SYNE1: variants seen among roughly 807,000 people sequenced by gnomAD.
The protein encoded by SYNE1 is spectrin repeat containing nuclear envelope protein 1, also known as nesprin-1.
A neutral mutation model predicts 1,111.0 loss-of-function variants in SYNE1; 616 were observed. The ratio of observed to expected loss-of-function variants is 0.55; its 90% CI spans 0.52 to 0.59. The LOEUF (loss-of-function observed/expected upper bound fraction) is 0.59. SYNE1 is among the 20% of genes least tolerant of loss of function. The pLI is 0.00. For missense variants in SYNE1, 10,006 were observed against 10,417.0 expected, an observed-to-expected ratio of 0.96 and a Z score of 1.72; for synonymous variants, 3,855 against 3,825.8, an observed-to-expected ratio of 1.01 and a Z score of -0.28.
chr6:152,578,771 T>C (rs182569960), intron 3 of SYNE1, among the ~76,000 whole-genome samples: 3 of 152,352 alleles, frequency 2.0e-5, no homozygotes, highest in South Asian at 4.1e-4. Context: ...CTAATTACTA[T>C]GCATACATCT....
chr6:152,434,033 T>C (rs1042146385), intron 33 of SYNE1, 88 bp from the exon 34 acceptor site: 32 of 1,215,220 alleles, frequency 2.6e-5, no homozygotes, highest in Non-Finnish European at 3.4e-5. Flanking sequence ...GGTGAAGAGA[T>C]AATGAAGACA....
chr6:152,148,089 T>C lies in SYNE1; in HGVS notation c.24932A>G (p.Gln8311Arg). ...CCGGAGGTAGAAATCTTTGTCATCC[T>C]GACCTTCTTCATCCTCAGAGGGCAG... ...RALPSEDEEG[Q>R]DDKDFYLRGA... The change falls in exon 137 of 146, where the codon CAG becomes CGG. Residue 8311 changes from glutamine (Q) to arginine (R), a missense_variant. By Grantham distance (43) the Gln-to-Arg change is conservative. Coordinates refer to ENST00000367255, the MANE Select transcript of SYNE1 (RefSeq NM_182961.4). The surrounding 1 kb of genome is among the most constrained non-coding windows in gnomAD (Gnocchi z 4.1). 2 of 1,614,224 alleles carry C rather than the reference T, an allele frequency of 1.2e-6. No individual in the cohort carries two copies. Among genetic ancestry groups the C allele is most frequent in the Non-Finnish European group, 1.7e-6 (2 of 1,180,038 alleles).
In SYNE1 at chr6:152,330,357, G is replaced by A. The variant is rs1190611162; in HGVS notation, c.14328C>T (p.Thr4776=). 6.2e-7 allele frequency: 1 copy of A among 1,613,984 alleles called. No homozygotes were observed. Among genetic ancestry groups the A allele is most frequent in the Admixed American group, 1.7e-5 (1 of 60,002 alleles). Reference sequence around the variant, plus strand: ...TCTCGTGTTCTTGGTAAGCACTGGTGGTGTCTTCTAATAAGCTAACCCTCT... The same window carrying A: ...TCTCGTGTTCTTGGTAAGCACTGGTAGTGTCTTCTAATAAGCTAACCCTCT... ...TEQRVSLLED[T]TSAYQEHEKM... The change falls in exon 78 of 146, where the codon ACC becomes ACT. Residue 4776 remains threonine (T), a synonymous_variant. Transcript: ENST00000367255.
intron 137 of SYNE1, chr6:152,145,107 C>T (rs2059239755): frequency 1.5e-5 from 5 of 327,890 alleles, no homozygotes; most frequent in Non-Finnish European, 3.0e-5. Context: ...AGAGCCTGCA[C>T]CCTGAGTCTC....
chr6:152,398,938 A>G (rs2097773344), intron 48 of SYNE1, among the ~76,000 whole-genome samples: 1 of 152,226 alleles, frequency 6.6e-6, no homozygotes, highest in Admixed American at 6.5e-5. Flanking sequence ...AGAATTGAGA[A>G]GTTATCTCAG....
intron 3 of SYNE1, among the ~76,000 whole-genome samples, chr6:152,545,483 G>A (rs894763767): frequency 1.3e-5 from 2 of 152,144 alleles, no homozygotes; most frequent in Non-Finnish European, 2.9e-5. Context: ...GGGAGGCTAA[G>A]AAAGGAGAAT....
chr6:152,462,664 T>C lies in SYNE1; in HGVS notation c.2250+74A>G, dbSNP rs142612936. 4.9e-4 allele frequency: 772 copies of C among 1,583,478 alleles called. 4 individuals are homozygous for C. The African/African-American group carries it at 9.5e-3, about 19-fold the overall frequency. ...GGAGACACAGAAACAGCTTTTGCAA[T>C]GATCTGAATAAACTTGCTGATCTTT... is the stretch of plus-strand genomic sequence containing the variant. On this transcript the variant is annotated intron_variant, in intron 20 of 145. Coordinates refer to ENST00000367255, the MANE Select transcript of SYNE1 (RefSeq NM_182961.4).
rs2094716921 is a variant in SYNE1, at chr6:152,293,611, CTGGACTCCT to C, written c.17980_17988del (p.Arg5994_Pro5996del). On this transcript the variant is annotated inframe_deletion, in exon 95 of 146. Coordinates refer to ENST00000367255, the MANE Select transcript of SYNE1 (RefSeq NM_182961.4). Reference sequence around the variant, plus strand: ...ACCTGATGTTCAGCCATCTGGCTTTCTGGACTCCTGCCAGGCTCTGGGCTCTCACTGAGT... The same window carrying C: ...ACCTGATGTTCAGCCATCTGGCTTTCGCCAGGCTCTGGGCTCTCACTGAGT... 1.2e-6 allele frequency: 2 copies of C among 1,614,038 alleles called. No individual in the cohort carries two copies. Among genetic ancestry groups the C allele is most frequent in the East Asian group, 4.5e-5 (2 of 44,890 alleles).
intron 91 of SYNE1, 129 bp from the exon 92 acceptor site, chr6:152,302,192 G>A: frequency 7.9e-7 from 1 of 1,258,808 alleles, no homozygotes; most frequent in African/African-American, 1.5e-5. Context: ...GGCAGGATGT[G>A]TAGGCGGCGA....
intron 73 of SYNE1, among the ~76,000 whole-genome samples, chr6:152,346,747 T>C (rs977616797): frequency 2.6e-5 from 4 of 152,048 alleles, no homozygotes; most frequent in Non-Finnish European, 5.9e-5. Context: ...GAGGCGGAGC[T>C]TGCAGTGAGC....
intron 3 of SYNE1, among the ~76,000 whole-genome samples, chr6:152,573,030 A>G (rs2099472514): frequency 6.6e-6 from 1 of 152,174 alleles, no homozygotes. Flanking sequence ...CTCGAATTAG[A>G]TAACACCTTG....
In SYNE1 at chr6:152,215,053, A is replaced by G; in HGVS notation, c.22199T>C (p.Met7400Thr). The G allele has an allele frequency of 6.2e-7, 1 of 1,614,066 alleles. No individual in the cohort carries two copies. The change falls in exon 122 of 146, where the codon ATG becomes ACG. Residue 7400 changes from methionine (M) to threonine (T), a missense_variant. Physicochemically the swap from Met to Thr is moderately conservative, Grantham distance 81 (BLOSUM62 -1). Around this residue, in one of 7 missense-constraint regions of SYNE1, gnomAD observed 2,182 missense variants for 2,287.8 expected, o/e 0.95. Coordinates refer to ENST00000367255, the MANE Select transcript of SYNE1 (RefSeq NM_182961.4). ...QERMEELKGQ[M>T]LKFSSMAPDL... is the part of the protein sequence containing the mutation. Reference sequence around the variant, plus strand: ...TGGAGCCATGCTGCTGAATTTTAACATCTGTCCCTAGAAGGAAGATTTAAA... The same window carrying G: ...TGGAGCCATGCTGCTGAATTTTAACGTCTGTCCCTAGAAGGAAGATTTAAA...
At chr6:152,252,159 C>A (rs2089505931) in intron 104 of SYNE1, among the ~76,000 whole-genome samples, 1 of 152,016 alleles carries the variant, frequency 6.6e-6, no homozygotes, top group Non-Finnish European at 1.5e-5. Context: ...GTAGTTCTAG[C>A]TACTTGGGAA....
At chr6:152,503,240 C>G (rs956529937) in intron 9 of SYNE1, among the ~76,000 whole-genome samples, 1 of 152,128 alleles carries the variant, frequency 6.6e-6, no homozygotes, top group Non-Finnish European at 1.5e-5. Flanking sequence ...TCTCTGCCCC[C>G]ACAAATTTCA....
At chr6:152,347,355 A>G (rs2096655778) in intron 72 of SYNE1, 120 bp from the exon 73 acceptor site, 1 of 1,192,424 alleles carries the variant, frequency 8.4e-7, no homozygotes, top group East Asian at 2.5e-5. Context: ...CTTGCAATTT[A>G]CCTTAGTTAT....
At chr6:152,485,278 G>A (rs2098933242) in intron 12 of SYNE1, among the ~76,000 whole-genome samples, 1 of 152,134 alleles carries the variant, frequency 6.6e-6, no homozygotes, top group Non-Finnish European at 1.5e-5. Context: ...TAGGACTAAA[G>A]CCTAGGATTT....
intron 100 of SYNE1, among the ~76,000 whole-genome samples, chr6:152,266,847 CTG>C (rs1191464095): frequency 2.6e-5 from 4 of 152,116 alleles, no homozygotes; most frequent in Admixed American, 2.0e-4. Context: ...ATGTAACAGA[CTG>C]TACGTAGTCA....
chr6:152,214,905 C>T lies in SYNE1; in HGVS notation c.22346+1G>A. The T allele has an allele frequency of 2.5e-6, 4 of 1,614,098 alleles. No individual in the cohort carries two copies. The highest frequency in any genetic ancestry group is 1.1e-5 in the South Asian group (1 of 91,084). On this transcript the variant is annotated splice_donor_variant, in intron 122 of 145. Transcript: ENST00000367255. LOFTEE classifies it high-confidence loss of function. ...ACCAAGACATCTCTTGTTTACTCTA[C>T]CTGAATCTTTCTGTAGTCTGAGAGG...
At chr6:152,224,950 TATATATGTGTATATATATATAC>T (rs1035024084) in intron 116 of SYNE1, among the ~76,000 whole-genome samples, 12 of 146,538 alleles carry the variant, frequency 8.2e-5, no homozygotes, top group South Asian at 2.1e-4. Context: ...TGTATACACA[TATATATGTGTATATATATATAC>T]ATATATGTAT....
Sources: allele counts gnomAD v4.1 joint callset (sites outside exome capture counted in the v4.1 genomes callset), GRCh38; gene constraint gnomAD v4.1.1; regional missense constraint gnomAD v4.1.1; non-coding constraint Gnocchi (gnomAD v3.1); transcripts MANE v1.5; gene names NCBI Gene and HGNC (gene_info 2026-07-23, HGNC 2026-07-21).